Variants in SYT13 observed in about 807,000 individuals in gnomAD.
SYT13 encodes synaptotagmin 13, also known as synaptotagmin-13.
Under a neutral mutation model 38.6 loss-of-function variants are expected in SYT13, and 21 were observed. The ratio of observed to expected loss-of-function variants is 0.54; its 90% CI spans 0.39 to 0.78. SYT13 has a LOEUF of 0.78. Among genes scored for constraint, SYT13 ranks in the 30% least tolerant of loss-of-function variants. The probability of loss-of-function intolerance (pLI) is 0.00; values close to 1 mark genes in which losing one functional copy is unlikely to be tolerated. For synonymous variants in SYT13, 241 were observed against 237.6 expected (o/e 1.01, Z -0.13); for missense variants, 495 against 548.7 (o/e 0.90, Z 0.98).
chr11:45,251,834 T>C (rs1293524255), intron 4 of SYT13, among the ~76,000 whole-genome samples: 2 of 152,214 alleles, frequency 1.3e-5, no homozygotes, highest in Non-Finnish European at 2.9e-5. Context: ...ACCACCGGGC[T>C]CTGGGCCTGC....
intron 1 of SYT13, among the ~76,000 whole-genome samples, chr11:45,281,679 A>G (rs12795157): frequency 1.1e-4 from 16 of 149,454 alleles, no homozygotes; most frequent in Non-Finnish European, 7.4e-5. Flanking sequence ...AAAAAAAAAA[A>G]AAAAATTGGT....
chr11:45,250,486 T>C (rs1854659456), intron 4 of SYT13, among the ~76,000 whole-genome samples: 1 of 152,198 alleles, frequency 6.6e-6, no homozygotes, highest in East Asian at 1.9e-4. Context: ...CTGCCTAGAT[T>C]GGCTGGATTT....
intron 1 of SYT13, among the ~76,000 whole-genome samples, chr11:45,277,457 G>A (rs757154238): frequency 3.9e-5 from 6 of 152,170 alleles, no homozygotes; most frequent in Admixed American, 6.5e-5. Flanking sequence ...CCCTCCTGGA[G>A]ACATTAATAA....
chr11:45,246,210 G>A (rs543576565), intron 5 of SYT13, among the ~76,000 whole-genome samples, 173 bp downstream of exon 5: 9 of 152,234 alleles, frequency 5.9e-5, no homozygotes, highest in East Asian at 3.9e-4. Flanking sequence ...GTGTGTCCTC[G>A]AAAATCAATT....
chr11:45,277,682 G>GC (rs1855025931), intron 1 of SYT13, among the ~76,000 whole-genome samples: 4 of 152,078 alleles, frequency 2.6e-5, no homozygotes, highest in Admixed American at 1.3e-4. Context: ...TCTGTGTGGA[G>GC]CCCCCAACAT....
Position 45,286,291 on chromosome 11 carries a change from C to A in SYT13, c.-84G>T, listed in dbSNP as rs1002537550. ...CCCGCCTCCAGGCAGCTCCCGGGATCCGGGCGAGCCAGCAGCTCTCCCGCC... is the reference window on the plus strand; with the variant it reads ...CCCGCCTCCAGGCAGCTCCCGGGATACGGGCGAGCCAGCAGCTCTCCCGCC... On this transcript the variant is annotated 5_prime_UTR_variant, in exon 1 of 6. Transcript: ENST00000020926. 4 of 1,412,764 alleles carry A rather than the reference C, an allele frequency of 2.8e-6. No homozygotes were observed. In the Admixed American group the frequency reaches 8.1e-5, roughly 29 times the overall value. 87.5% of individuals were successfully genotyped at this position (1,412,764 alleles called of 1,614,324 possible). A position where few individuals can be genotyped will look rare whatever the true frequency, so the allele number is the denominator to read the frequency against.
chr11:45,254,130 G>T, intron 3 of SYT13, 140 bp downstream of exon 3: 1 of 939,188 alleles, frequency 1.1e-6, no homozygotes, highest in Non-Finnish European at 1.5e-6. Context: ...TTGTGTCTAA[G>T]CTCCATGTGT....
chr11:45,280,089 C>T (rs2135911566), intron 1 of SYT13, among the ~76,000 whole-genome samples: 1 of 152,290 alleles, frequency 6.6e-6, no homozygotes, highest in East Asian at 1.9e-4. Context: ...ATCCCAAGGC[C>T]TAGCATGTGC....
chr11:45,262,326 T>G (rs1854827248), intron 1 of SYT13, among the ~76,000 whole-genome samples: 1 of 151,802 alleles, frequency 6.6e-6, no homozygotes, highest in Non-Finnish European at 1.5e-5. Context: ...CAGGGGAAAA[T>G]GGGAAGTTAT....
intron 1 of SYT13, among the ~76,000 whole-genome samples, chr11:45,282,228 C>G (rs1855083216): frequency 6.6e-6 from 1 of 152,160 alleles, no homozygotes; most frequent in South Asian, 2.1e-4. Flanking sequence ...CAGAGAGGTC[C>G]CAGGTGACCT....
rs979148831 is a variant in SYT13, at chr11:45,276,893, A to G, written c.183+9132T>C. Among the ~76,000 whole-genome samples the G allele has an allele frequency of 3.3e-5, 5 of 152,004 alleles. No homozygotes were observed. In the South Asian group the frequency reaches 8.3e-4, roughly 25 times the overall value. ...AATTACCATATGACCCAGCAATCTC[A>G]CTCCTAGGTATATACTTGAAAGAAT... On this transcript the variant is annotated intron_variant, in intron 1 of 5. Transcript: ENST00000020926.
At chr11:45,282,476 A>C (rs2135913218) in intron 1 of SYT13, among the ~76,000 whole-genome samples, 1 of 152,346 alleles carries the variant, frequency 6.6e-6, no homozygotes, top group African/African-American at 2.4e-5. Context: ...TAAAAGACAA[A>C]GGGCTGCAAA....
chr11:45,264,852 A>G (rs1854862507), intron 1 of SYT13, among the ~76,000 whole-genome samples: 1 of 152,244 alleles, frequency 6.6e-6, no homozygotes, highest in Non-Finnish European at 1.5e-5. Context: ...ACTAGTGTGG[A>G]CAAGGATGTG....
intron 1 of SYT13, among the ~76,000 whole-genome samples, chr11:45,276,727 A>C (rs1159076958): frequency 1.3e-5 from 2 of 151,810 alleles, no homozygotes; most frequent in Non-Finnish European, 2.9e-5. Context: ...AAAAAAAATA[A>C]ATAAAATAAA....
intron 1 of SYT13, among the ~76,000 whole-genome samples, chr11:45,265,512 T>A (rs1427511538): frequency 6.6e-6 from 1 of 152,208 alleles, no homozygotes; most frequent in Non-Finnish European, 1.5e-5. Flanking sequence ...AAATGTTCAT[T>A]TCTCACAGTT....
At position 45,286,221 on chromosome 11, in the gene SYT13, G is replaced by T; in HGVS notation, c.-14C>A. 6.5e-7 allele frequency: 1 copy of T among 1,533,292 alleles called. No individual in the cohort carries two copies. 95.0% of individuals were successfully genotyped at this position (1,533,292 alleles called of 1,614,324 possible). ...CGACAGCACCATGGTGCCCGCTCCC[G>T]GCGAGGGGCTGGGTCCCGCAGCCGC... On this transcript the variant is annotated 5_prime_UTR_variant, in exon 1 of 6. Coordinates refer to ENST00000020926, the MANE Select transcript of SYT13 (RefSeq NM_020826.3).
At chr11:45,277,559 T>C (rs1855024703) in intron 1 of SYT13, among the ~76,000 whole-genome samples, 2 of 152,302 alleles carry the variant, frequency 1.3e-5, no homozygotes, top group South Asian at 2.1e-4. Context: ...CCCAGCCTCA[T>C]TGTTCACCAG....
Position 45,261,316 on chromosome 11 carries a change from A to G in SYT13, c.184-5425T>C, listed in dbSNP as rs142447247. On this transcript the variant is annotated intron_variant, in intron 1 of 5. Transcript: ENST00000020926. The stretch of plus-strand genomic sequence containing the variant: ...TGGAAAACAGTATAGTATTTTCTTA[A>G]AAAATGAAAAATAGCCTGTAATCCC... Among the ~76,000 whole-genome samples the G allele has an allele frequency of 1.3e-3, 191 of 152,306 alleles. 1 individual carries two copies. Among genetic ancestry groups the G allele is most frequent in the African/African-American group, 4.5e-3 (186 of 41,568 alleles).
Position 45,244,037 on chromosome 11 carries a change from C to A in SYT13, c.*15G>T. 1.9e-6 allele frequency: 3 copies of A among 1,579,852 alleles called. No homozygotes were observed. The highest frequency in any genetic ancestry group is 2.6e-6 in the Non-Finnish European group (3 of 1,166,342). ...GGTCAGGGCTGTCCAAGAAGGGAGG[C>A]AGCTGGGCAGCTGGTTACAGGTGCA... On this transcript the variant is annotated 3_prime_UTR_variant, in exon 6 of 6. Coordinates refer to ENST00000020926, the MANE Select transcript of SYT13 (RefSeq NM_020826.3).
Sources: gnomAD v4.1 joint callset for allele counts (sites outside exome capture counted in the v4.1 genomes callset) on GRCh38, gnomAD v4.1.1 for gene constraint, MANE v1.5 for transcripts, NCBI Gene and HGNC (gene_info 2026-07-23, HGNC 2026-07-21) for gene names.